EPHB1: variants seen among roughly 807,000 people sequenced by gnomAD.
EPHB1 encodes the protein EPH receptor B1, also known as ephrin type-B receptor 1.
A neutral mutation model predicts 94.4 loss-of-function variants in EPHB1; 30 were observed. That is an observed-to-expected ratio of 0.32 (90% CI 0.24 to 0.43). The LOEUF is 0.43. Ranked by LOEUF, EPHB1 falls within the 20% of genes least tolerant of loss-of-function variation. The pLI is 1.00. For missense variants in EPHB1, 1,055 were observed against 1,308.3 expected, an observed-to-expected ratio of 0.81 and a Z score of 2.99; for synonymous variants, 522 against 489.1, an observed-to-expected ratio of 1.07 and a Z score of -0.89.
intron 3 of EPHB1, among the ~76,000 whole-genome samples, chr3:135,101,501 G>A (rs544975463): frequency 3.7e-4 from 56 of 152,044 alleles, no homozygotes; most frequent in African/African-American, 1.3e-3. Context: ...AGCATCCTGA[G>A]TAGCTGGGAT....
At chr3:135,129,001 T>C (rs1940315506) in intron 4 of EPHB1, among the ~76,000 whole-genome samples, 1 of 152,142 alleles carries the variant, frequency 6.6e-6, no homozygotes, top group Admixed American at 6.5e-5. Flanking sequence ...AGGCCCTTAA[T>C]GTCTGTTTCT....
At chr3:134,821,249 T>G (rs2108289945) in intron 1 of EPHB1, among the ~76,000 whole-genome samples, 1 of 152,324 alleles carries the variant, frequency 6.6e-6, no homozygotes, top group Middle Eastern at 3.4e-3. Flanking sequence ...CTTTGCTCAG[T>G]CCATTCATTG....
intron 3 of EPHB1, among the ~76,000 whole-genome samples, chr3:135,038,811 G>A (rs537029616): frequency 4.6e-5 from 7 of 151,862 alleles, no homozygotes; most frequent in African/African-American, 7.2e-5. Flanking sequence ...TGCAAAGAGC[G>A]AAAGAACAAA....
intron 3 of EPHB1, among the ~76,000 whole-genome samples, chr3:135,042,106 T>C (rs973544598): frequency 1.3e-5 from 2 of 152,176 alleles, no homozygotes; most frequent in Admixed American, 6.5e-5. Flanking sequence ...TTTTTAAATA[T>C]CTTTTTGTAG....
chr3:135,043,907 G>A (rs898565756), intron 3 of EPHB1, among the ~76,000 whole-genome samples: 6 of 152,180 alleles, frequency 3.9e-5, no homozygotes, highest in African/African-American at 1.4e-4. Flanking sequence ...GCCTCTCAGT[G>A]ATCTTCACAC....
At chr3:134,906,641 T>C (rs1371013753) in intron 1 of EPHB1, among the ~76,000 whole-genome samples, 1 of 152,204 alleles carries the variant, frequency 6.6e-6, no homozygotes, top group Non-Finnish European at 1.5e-5. Context: ...AATGGCAGAA[T>C]TGAGTAGTTG....
chr3:135,114,525 C>A (rs1234251878), intron 4 of EPHB1, among the ~76,000 whole-genome samples: 1 of 125,998 alleles, frequency 7.9e-6, no homozygotes, highest in Non-Finnish European at 1.6e-5. Context: ...TATGGTGAAA[C>A]CCTGTCTCTA....
At chr3:135,021,159 A>G (rs1383740858) in intron 3 of EPHB1, among the ~76,000 whole-genome samples, 3 of 152,104 alleles carry the variant, frequency 2.0e-5, no homozygotes, top group Non-Finnish European at 4.4e-5. Flanking sequence ...TCCTTTGCCT[A>G]TTCATTTTAC....
chr3:135,091,093 C>T (rs187755398), intron 3 of EPHB1, among the ~76,000 whole-genome samples: 90 of 152,366 alleles, frequency 5.9e-4, no homozygotes, highest in South Asian at 3.3e-3. Context: ...CTTACTTAAA[C>T]AGAATGCAGC....
At chr3:134,881,006 C>T (rs1159279557) in intron 1 of EPHB1, among the ~76,000 whole-genome samples, 4 of 152,092 alleles carry the variant, frequency 2.6e-5, no homozygotes, top group Admixed American at 6.5e-5. Context: ...CATTTCCACA[C>T]TCACCTTGGC....
chr3:135,052,919 G>A (rs1306193329), intron 3 of EPHB1, among the ~76,000 whole-genome samples: 108 of 110,000 alleles, frequency 9.8e-4, no homozygotes, highest in Admixed American at 6.6e-3. Context: ...ATGTGTGTGT[G>A]TGTGTGTGTG....
chr3:134,993,406 G>A (rs557142948), intron 3 of EPHB1, among the ~76,000 whole-genome samples: 1 of 152,276 alleles, frequency 6.6e-6, no homozygotes, highest in African/African-American at 2.4e-5. Context: ...AGTCACCAGA[G>A]GACAACTTTA....
At chr3:134,962,366 C>T (rs1933553882) in intron 3 of EPHB1, among the ~76,000 whole-genome samples, 1 of 152,160 alleles carries the variant, frequency 6.6e-6, no homozygotes, top group African/African-American at 2.4e-5. Flanking sequence ...TCCCTCCAAC[C>T]CTGCATCATC....
intron 1 of EPHB1, among the ~76,000 whole-genome samples, chr3:134,876,968 G>A (rs2037629170): frequency 6.6e-6 from 1 of 152,180 alleles, no homozygotes; most frequent in South Asian, 2.1e-4. Flanking sequence ...TCATGCACAT[G>A]TGTTACATTG....
At chr3:135,107,337 G>A (rs1939256309) in intron 4 of EPHB1, among the ~76,000 whole-genome samples, 1 of 152,154 alleles carries the variant, frequency 6.6e-6, no homozygotes, top group South Asian at 2.1e-4. Context: ...TGTGAGAAGG[G>A]GTGCATTTCT....
chr3:135,027,208 C>T (rs1414851980), intron 3 of EPHB1, among the ~76,000 whole-genome samples: 1 of 151,948 alleles, frequency 6.6e-6, no homozygotes, highest in Admixed American at 6.6e-5. Flanking sequence ...CCCTTTATTT[C>T]CTTCTCCTGC....
intron 9 of EPHB1, among the ~76,000 whole-genome samples, chr3:135,167,799 A>G (rs1484974518): frequency 3.9e-5 from 6 of 152,158 alleles, no homozygotes; most frequent in Non-Finnish European, 7.4e-5. Context: ...CTGTCCCAGC[A>G]CTGTGTGCTA....
intron 4 of EPHB1, among the ~76,000 whole-genome samples, chr3:135,115,256 C>T (rs1183299824): frequency 6.6e-6 from 1 of 152,196 alleles, no homozygotes; most frequent in Non-Finnish European, 1.5e-5. Flanking sequence ...TTTGTGGTCT[C>T]AGGCAATTGT....
chr3:135,216,723 A>AG (rs1340823028), intron 12 of EPHB1, among the ~76,000 whole-genome samples: 21 of 40,442 alleles, frequency 5.2e-4, no homozygotes, highest in Non-Finnish European at 8.2e-4. Flanking sequence ...ACTCTGTCTC[A>AG]GGGAAAAAAA....
Sources: allele counts gnomAD v4.1 joint callset (sites outside exome capture counted in the v4.1 genomes callset), GRCh38; gene constraint gnomAD v4.1.1; transcripts MANE v1.5; gene names NCBI Gene and HGNC (gene_info 2026-07-23, HGNC 2026-07-21).